The following EYA4 variants were observed in gnomAD, a reference collection of about 807,000 sequenced individuals.
The protein encoded by EYA4 is protein phosphatase EYA4.
Under a neutral mutation model 87.9 loss-of-function variants are expected in EYA4, and 31 were observed. The ratio of observed to expected loss-of-function variants is 0.35; its 90% confidence interval spans 0.27 to 0.48. EYA4 has a LOEUF of 0.48. Ranked by LOEUF, EYA4 falls within the 20% of genes least tolerant of loss-of-function variation. EYA4 has a pLI of 0.99. For missense variants in EYA4, 678 were observed against 761.4 expected (o/e 0.89, Z 1.29); for synonymous variants, 263 against 270.6 (o/e 0.97, Z 0.28).
At chr6:133,433,512 C>T (rs1339858800) in intron 3 of EYA4, among the ~76,000 whole-genome samples, 4 of 152,182 alleles carry the variant, frequency 2.6e-5, no homozygotes, top group Non-Finnish European at 4.4e-5. Context: ...TGCGCCACCA[C>T]GCCCAGCTAA....
intron 2 of EYA4, among the ~76,000 whole-genome samples, chr6:133,326,845 C>A (rs1562292921): frequency 6.6e-6 from 1 of 152,132 alleles, no homozygotes; most frequent in Non-Finnish European, 1.5e-5. Flanking sequence ...CATGTGCTGC[C>A]CAATTACATG....
intron 13 of EYA4, among the ~76,000 whole-genome samples, chr6:133,504,355 G>A (rs1020126752): frequency 2.0e-5 from 3 of 152,186 alleles, no homozygotes; most frequent in African/African-American, 7.2e-5. Flanking sequence ...TCAAGCTACC[G>A]GATGACATAA....
At chr6:133,525,464 AT>A (rs1359740894) in intron 19 of EYA4, among the ~76,000 whole-genome samples, 1 of 152,154 alleles carries the variant, frequency 6.6e-6, no homozygotes, top group Non-Finnish European at 1.5e-5. Flanking sequence ...ATGCAGGGAA[AT>A]TTAGTTATAT....
chr6:133,432,525 G>A (rs1188710085), intron 3 of EYA4, among the ~76,000 whole-genome samples: 1 of 149,594 alleles, frequency 6.7e-6, no homozygotes, highest in Non-Finnish European at 1.5e-5. Context: ...TCATGTTATA[G>A]TATCAAAAGC....
Position 133,529,744 on chromosome 6 carries a change from G to A in EYA4, c.*939G>A. On this transcript the variant is annotated 3_prime_UTR_variant, in exon 20 of 20. Coordinates refer to ENST00000355286, the MANE Select transcript of EYA4 (RefSeq NM_004100.5). ...GCATCCAACCATGAGTGGAAGGTTT[G>A]GGAAAGACTGTGGGACCTTTACTTA... The A allele has an allele frequency of 1.0e-6, 1 of 985,214 alleles. No homozygotes were observed. Among genetic ancestry groups the A allele is most frequent in the South Asian group, 4.7e-5 (1 of 21,274 alleles). The allele number at this position is 985,214 out of a possible 1,614,324, so 61.0% of individuals were successfully genotyped here.
At chr6:133,385,395 GT>G (rs1786646894) in intron 3 of EYA4, among the ~76,000 whole-genome samples, 1 of 22,962 alleles carries the variant, frequency 4.4e-5, no homozygotes. Context: ...CTCTCTCTGT[GT>G]GTGTGTGTGT....
chr6:133,357,366 G>A (rs186648022), intron 2 of EYA4, among the ~76,000 whole-genome samples: 451 of 150,992 alleles, frequency 3.0e-3, no homozygotes, highest in Non-Finnish European at 5.0e-3. Flanking sequence ...GCAAAGAAAA[G>A]GGGGGACCTT....
At chr6:133,266,687 G>T (rs1441306167) in intron 1 of EYA4, among the ~76,000 whole-genome samples, 1 of 151,982 alleles carries the variant, frequency 6.6e-6, no homozygotes, top group Non-Finnish European at 1.5e-5. Flanking sequence ...AATAATACTT[G>T]TCTAAAAGTT....
chr6:133,494,689 T>TG (rs1797479190), intron 13 of EYA4, among the ~76,000 whole-genome samples: 1 of 126,372 alleles, frequency 7.9e-6, no homozygotes. Context: ...AAAAAAAAAG[T>TG]GTTTTTTTTT....
At chr6:133,407,898 T>C (rs1446174098) in intron 3 of EYA4, among the ~76,000 whole-genome samples, 1 of 152,208 alleles carries the variant, frequency 6.6e-6, no homozygotes, top group African/African-American at 2.4e-5. Context: ...AATCAAAAGC[T>C]GCTTGTTTTG....
At chr6:133,393,680 A>G (rs945877122) in intron 3 of EYA4, among the ~76,000 whole-genome samples, 1 of 152,212 alleles carries the variant, frequency 6.6e-6, no homozygotes, top group Non-Finnish European at 1.5e-5. Flanking sequence ...AGTCTTTTCC[A>G]CATTTTGGAA....
rs79199140 is a variant in EYA4 at position 133,462,925 on chromosome 6, G to A, written c.724+161G>A. Among the ~76,000 whole-genome samples the A allele has an allele frequency of 0.02, 2,974 of 152,190 alleles. 88 individuals are homozygous for A. Among genetic ancestry groups the A allele is most frequent in the African/African-American group, 0.068 (2,815 of 41,510 alleles). On this transcript the variant is annotated intron_variant, in intron 9 of 19. Coordinates refer to ENST00000355286, the MANE Select transcript of EYA4 (RefSeq NM_004100.5). ...TAACTAGACAGAAACACGATGAAAT[G>A]GTTGAGTATACGTCAGGAAACATGA...
chr6:133,352,307 C>T (rs9373049), intron 2 of EYA4, among the ~76,000 whole-genome samples: 4,668 of 152,216 alleles, frequency 0.031, 176 homozygotes, highest in East Asian at 0.2. Context: ...AATTCATTGG[C>T]TACCATAGAT....
At chr6:133,492,414 A>T (rs1026366072) in intron 13 of EYA4, among the ~76,000 whole-genome samples, 1 of 151,206 alleles carries the variant, frequency 6.6e-6, no homozygotes, top group Non-Finnish European at 1.5e-5. Context: ...CTTTGCTGAT[A>T]AAAAAAATCT....
chr6:133,440,588 G>A (rs1792177982), intron 3 of EYA4, among the ~76,000 whole-genome samples: 1 of 152,168 alleles, frequency 6.6e-6, no homozygotes, highest in Non-Finnish European at 1.5e-5. Context: ...TGGTTTTGAG[G>A]ACCAGAAAAA....
intron 13 of EYA4, among the ~76,000 whole-genome samples, chr6:133,504,082 T>A (rs1455313194): frequency 1.3e-5 from 2 of 152,164 alleles, no homozygotes; most frequent in Non-Finnish European, 2.9e-5. Context: ...TGTGTCCAGC[T>A]AATTTTTGTA....
chr6:133,430,657 A>G (rs1422238919), intron 3 of EYA4, among the ~76,000 whole-genome samples: 1 of 152,230 alleles, frequency 6.6e-6, no homozygotes, highest in Non-Finnish European at 1.5e-5. Flanking sequence ...ATGCCACAAA[A>G]AAAACTAGTA....
intron 3 of EYA4, among the ~76,000 whole-genome samples, chr6:133,412,601 T>C (rs1485266203): frequency 1.3e-5 from 2 of 152,226 alleles, no homozygotes; most frequent in East Asian, 3.8e-4. Flanking sequence ...AGCATGTGTT[T>C]GTTATAGTCT....
chr6:133,516,566 AAAAC>A (rs1799616194), intron 17 of EYA4, among the ~76,000 whole-genome samples: 1 of 151,528 alleles, frequency 6.6e-6, no homozygotes, highest in African/African-American at 2.4e-5. Context: ...CAAAAAAAAA[AAAAC>A]AAAATTAGCT....
Sources: gnomAD v4.1 joint callset for allele counts (sites outside exome capture counted in the v4.1 genomes callset) on GRCh38, gnomAD v4.1.1 for gene constraint, MANE v1.5 for transcripts, NCBI Gene and HGNC (gene_info 2026-07-23, HGNC 2026-07-21) for gene names.